SETD7: variants seen among roughly 807,000 people sequenced by gnomAD.
SETD7 encodes histone-lysine N-methyltransferase SETD7.
A neutral mutation model predicts 41.8 loss-of-function variants in SETD7; 16 were observed. That is an observed-to-expected ratio of 0.38 (90% CI 0.26 to 0.58). SETD7 has a LOEUF of 0.58. Among genes scored for constraint, SETD7 ranks in the 20% least tolerant of loss-of-function variants. The pLI, the probability that SETD7 is intolerant of heterozygous loss-of-function variation, is 0.64. For missense variants in SETD7, 346 were observed against 459.7 expected, an observed-to-expected ratio of 0.75 and a Z score of 2.26; for synonymous variants, 163 against 169.7, an observed-to-expected ratio of 0.96 and a Z score of 0.31.
chr4:139,506,772 G>A lies in SETD7; in HGVS notation c.*4891C>T, dbSNP rs766972719. 7.2e-5 allele frequency: 11 copies of A among 152,582 alleles called. No individual in the cohort carries two copies. Among genetic ancestry groups the A allele is most frequent in the Non-Finnish European group, 1.5e-4 (10 of 68,030 alleles). The allele number at this position is 152,582 out of a possible 1,614,324, so 9.5% of individuals were successfully genotyped here. A position where few individuals can be genotyped will look rare whatever the true frequency, so the allele number is the denominator to read the frequency against. On this transcript the variant is annotated 3_prime_UTR_variant, in exon 8 of 8. Transcript: ENST00000274031. The stretch of plus-strand genomic sequence containing the variant: ...TGTTTGTTTTTTCAATAACATAAGA[G>A]TCAGGAGAGTTGGGAGGTATGTCCT...
intron 3 of SETD7, among the ~76,000 whole-genome samples, chr4:139,529,789 AAC>A (rs956377558): frequency 7.2e-5 from 11 of 152,232 alleles, no homozygotes; most frequent in African/African-American, 2.7e-4. Flanking sequence ...TTCAGAGGCA[AAC>A]AAAAGGATGT....
At chr4:139,521,686 A>T (rs1727184845) in intron 5 of SETD7, among the ~76,000 whole-genome samples, 2 of 152,072 alleles carry the variant, frequency 1.3e-5, no homozygotes, top group Non-Finnish European at 2.9e-5. Context: ...TGCCCTACTG[A>T]CTTCTCGTTT....
In SETD7 at chr4:139,507,694, G is replaced by C. The variant is rs1273691626; in HGVS notation, c.*3969C>G. On this transcript the variant is annotated 3_prime_UTR_variant, in exon 8 of 8. Coordinates refer to ENST00000274031, the MANE Select transcript of SETD7 (RefSeq NM_030648.4). ...ATATGTACGCACACATTTGGCAAAA[G>C]AAAACTATTACAATTTAGTATTTTT... 2 of 152,502 alleles carry C rather than the reference G, an allele frequency of 1.3e-5. No individual in the cohort carries two copies. The highest frequency in any genetic ancestry group is 1.5e-5 in the Non-Finnish European group (1 of 67,984). 9.4% of individuals were successfully genotyped at this position (152,502 alleles called of 1,614,324 possible).
intron 7 of SETD7, among the ~76,000 whole-genome samples, chr4:139,516,681 A>C (rs1172576317): frequency 6.6e-6 from 1 of 152,106 alleles, no homozygotes; most frequent in Non-Finnish European, 1.5e-5. Flanking sequence ...TTAAAAAAAA[A>C]CAGCTTTGTT....
chr4:139,511,375 G>A lies in SETD7; in HGVS notation c.*288C>T, dbSNP rs1726865320. 5 of 372,034 alleles carry A rather than the reference G, an allele frequency of 1.3e-5. No individual in the cohort carries two copies. The highest frequency in any genetic ancestry group is 6.1e-5 in the South Asian group (2 of 32,994). 23.0% of individuals were successfully genotyped at this position (372,034 alleles called of 1,614,324 possible). On this transcript the variant is annotated 3_prime_UTR_variant, in exon 8 of 8. Coordinates refer to ENST00000274031, the MANE Select transcript of SETD7 (RefSeq NM_030648.4). ...TTCAGTCTAATCATTTGGCATCTCCGAATGTGGTACAGATTTAGACTTGAA... is the reference window on the plus strand; with the variant it reads ...TTCAGTCTAATCATTTGGCATCTCCAAATGTGGTACAGATTTAGACTTGAA...
intron 5 of SETD7, among the ~76,000 whole-genome samples, chr4:139,521,130 A>G (rs990886457): frequency 1.3e-5 from 2 of 152,164 alleles, no homozygotes; most frequent in Admixed American, 6.6e-5. Context: ...CCACTGGTTT[A>G]TAAGAAAACA....
chr4:139,535,445 A>G (rs545672609), intron 2 of SETD7, among the ~76,000 whole-genome samples: 33 of 152,292 alleles, frequency 2.2e-4, no homozygotes, highest in Non-Finnish European at 4.3e-4. Context: ...GCAGCATTCA[A>G]AATGTTCCTG....
chr4:139,497,159 C>T (rs1380285701), intron 7 of SETD7, among the ~76,000 whole-genome samples: 2 of 152,128 alleles, frequency 1.3e-5, no homozygotes, highest in African/African-American at 2.4e-5. Context: ...AATTTGGGCT[C>T]ATTTAAAAAT....
intron 2 of SETD7, 74 bp downstream of exon 2, chr4:139,546,846 C>CT: frequency 1.3e-6 from 2 of 1,591,214 alleles, no homozygotes; most frequent in Non-Finnish European, 1.7e-6. Context: ...CACTTGAATT[C>CT]TTTCGTTTGT....
In SETD7 at chr4:139,556,196, G is replaced by A; in HGVS notation, c.-59C>T. The stretch of plus-strand genomic sequence containing the variant: ...GCGGCTGCCTCCCGTCCCTCTGGGT[G>A]CTCCCGGCGGCTGAGCGAGCTCTGG... On this transcript the variant is annotated 5_prime_UTR_variant, in exon 1 of 8. Transcript: ENST00000274031. 6.5e-7 allele frequency: 1 copy of A among 1,534,914 alleles called. No homozygotes were observed. Among genetic ancestry groups the A allele is most frequent in the Non-Finnish European group, 8.8e-7 (1 of 1,136,210 alleles).
chr4:139,520,408 A>G lies in SETD7; in HGVS notation c.645-14T>C, dbSNP rs139309353. ...GCAACATAAACCCTAAATTGAAAAA[A>G]GAGTTGAATAGTGACCTTTTCAGCT... On this transcript the variant is annotated splice_polypyrimidine_tract_variant and intron_variant, in intron 5 of 7. Transcript: ENST00000274031. 4.8e-5 allele frequency: 71 copies of G among 1,472,940 alleles called. No individual in the cohort carries two copies. The African/African-American group carries it at 9.9e-4, about 21-fold the overall frequency. 91.2% of individuals were successfully genotyped at this position (1,472,940 alleles called of 1,614,324 possible). A position where few individuals can be genotyped will look rare whatever the true frequency, so the allele number is the denominator to read the frequency against.
chr4:139,539,945 A>G (rs1316956711), intron 2 of SETD7, among the ~76,000 whole-genome samples: 1 of 152,154 alleles, frequency 6.6e-6, no homozygotes, highest in Non-Finnish European at 1.5e-5. Context: ...CTTGGACTTC[A>G]CACCCTCCAG....
rs895600 is a variant in SETD7 at position 139,509,471 on chromosome 4, A to C, written c.*2192T>G. On this transcript the variant is annotated 3_prime_UTR_variant, in exon 8 of 8. Transcript: ENST00000274031. ...GAATGGGATAATTAGAGTAGCCCCC[A>C]CTTAGGACGTAAATTGTACCCCACT... 121,308 of 154,108 alleles carry C rather than the reference A, an allele frequency of 0.79. 48,822 individuals are homozygous for C. The highest frequency in any genetic ancestry group is 0.96 in the East Asian group (4,972 of 5,180). The allele number at this position is 154,108 out of a possible 1,614,324, so 9.5% of individuals were successfully genotyped here.
At chr4:139,513,979 C>A (rs1316637096) in intron 7 of SETD7, among the ~76,000 whole-genome samples, 1 of 152,208 alleles carries the variant, frequency 6.6e-6, no homozygotes, top group Non-Finnish European at 1.5e-5. Flanking sequence ...CAACTCTTTG[C>A]TTAAATTAAA....
intron 3 of SETD7, among the ~76,000 whole-genome samples, chr4:139,529,525 C>T (rs1224434230): frequency 6.6e-6 from 1 of 152,136 alleles, no homozygotes; most frequent in Non-Finnish European, 1.5e-5. Context: ...TGTTGGTTTA[C>T]TAAGAAATAA....
chr4:139,554,276 CA>C (rs1292903007), intron 1 of SETD7, among the ~76,000 whole-genome samples: 1 of 152,116 alleles, frequency 6.6e-6, no homozygotes, highest in South Asian at 2.1e-4. Context: ...TGGATGTTCT[CA>C]AAAAACAATA....
At chr4:139,526,109 G>C (rs2111142379) in intron 4 of SETD7, among the ~76,000 whole-genome samples, 1 of 152,130 alleles carries the variant, frequency 6.6e-6, no homozygotes, top group African/African-American at 2.4e-5. Flanking sequence ...GGAATGCAGT[G>C]GTGCTATCTT....
chr4:139,529,258 T>C (rs893942841), intron 3 of SETD7, 38 bp from the exon 4 acceptor site: 8 of 1,541,942 alleles, frequency 5.2e-6, no homozygotes, highest in African/African-American at 1.4e-5. Flanking sequence ...ATATTATATA[T>C]AGTATGTCTA....
At chr4:139,523,024 G>A (rs1727226166) in intron 5 of SETD7, among the ~76,000 whole-genome samples, 1 of 152,064 alleles carries the variant, frequency 6.6e-6, no homozygotes, top group African/African-American at 2.4e-5. Flanking sequence ...AAAATGCTGG[G>A]ACTGCAGGCA....
Sources: gnomAD v4.1 joint callset for allele counts (sites outside exome capture counted in the v4.1 genomes callset) on GRCh38, gnomAD v4.1.1 for gene constraint, MANE v1.5 for transcripts, NCBI Gene and HGNC (gene_info 2026-07-23, HGNC 2026-07-21) for gene names.